The following ADAM10 variants were observed in gnomAD, a reference collection of about 807,000 sequenced individuals.
ADAM10 encodes the protein disintegrin and metalloproteinase domain-containing protein 10.
Under a neutral mutation model 90.1 loss-of-function variants are expected in ADAM10, and 17 were observed. The ratio of observed to expected loss-of-function variants is 0.19; its 90% CI spans 0.13 to 0.28. ADAM10 has a LOEUF of 0.28. Among genes scored for constraint, ADAM10 ranks in the 10% least tolerant of loss-of-function variants. The pLI is 1.00. For missense variants in ADAM10, 610 were observed against 914.3 expected (o/e 0.67, Z 4.29); for synonymous variants, 310 against 298.6 (o/e 1.04, Z -0.40).
intron 11 of ADAM10, among the ~76,000 whole-genome samples, chr15:58,619,090 T>A (rs766123592): frequency 6.6e-6 from 1 of 152,078 alleles, no homozygotes; most frequent in African/African-American, 2.4e-5. Flanking sequence ...AGATACAGAA[T>A]TAGTCTAAGT....
At chr15:58,624,709 T>G (rs1895886937) in intron 10 of ADAM10, among the ~76,000 whole-genome samples, 1 of 152,142 alleles carries the variant, frequency 6.6e-6, no homozygotes, top group Non-Finnish European at 1.5e-5. Context: ...ATTTTTTAAT[T>G]TTTTGTAGAG....
chr15:58,726,522 G>A (rs1412649563), intron 1 of ADAM10, among the ~76,000 whole-genome samples: 5 of 112,348 alleles, frequency 4.5e-5, no homozygotes, highest in African/African-American at 1.1e-4. Context: ...CCGAGATCGC[G>A]CCACTACACT....
At chr15:58,681,249 A>T (rs543670257) in intron 3 of ADAM10, among the ~76,000 whole-genome samples, 2 of 152,188 alleles carry the variant, frequency 1.3e-5, no homozygotes, top group South Asian at 4.1e-4. Flanking sequence ...ATATAACACT[A>T]AAGTCTGACA....
chr15:58,732,658 G>A (rs1436443847), intron 1 of ADAM10: 2 of 149,302 alleles, frequency 1.3e-5, no homozygotes, highest in African/African-American at 2.5e-5. Context: ...GCAGTGAGCC[G>A]AGATCTTGCT....
At chr15:58,664,133 T>A (rs1257467518) in intron 5 of ADAM10, among the ~76,000 whole-genome samples, 1 of 152,068 alleles carries the variant, frequency 6.6e-6, no homozygotes, top group Non-Finnish European at 1.5e-5. Flanking sequence ...CTTGGAATAG[T>A]CTTTCCATAT....
At chr15:58,727,795 CA>C (rs1221985714) in intron 1 of ADAM10, among the ~76,000 whole-genome samples, 1 of 151,102 alleles carries the variant, frequency 6.6e-6, no homozygotes, top group Non-Finnish European at 1.5e-5. Context: ...CAAAACAAAA[CA>C]AAAAAAATTA....
intron 9 of ADAM10, among the ~76,000 whole-genome samples, chr15:58,631,695 G>GT (rs1310970656): frequency 6.6e-6 from 1 of 152,174 alleles, no homozygotes; most frequent in Non-Finnish European, 1.5e-5. Flanking sequence ...AATTCCCCTG[G>GT]TAAGGCCTGG....
intron 2 of ADAM10, chr15:58,692,256 T>C (rs748191200): frequency 6.6e-6 from 4 of 601,954 alleles, no homozygotes; most frequent in Middle Eastern, 2.8e-4. Flanking sequence ...ATTGCTTGAC[T>C]GCCAAGTGGT....
intron 2 of ADAM10, among the ~76,000 whole-genome samples, chr15:58,688,786 A>ATCTCTCTC (rs1176204968): frequency 1.4e-4 from 17 of 122,354 alleles, no homozygotes; most frequent in African/African-American, 5.4e-4. Flanking sequence ...ATATATATAT[A>ATCTCTCTC]TCTCTCTCTC....
At chr15:58,599,529 T>C in intron 15 of ADAM10, 69 bp downstream of exon 15, 1 of 1,540,742 alleles carries the variant, frequency 6.5e-7, no homozygotes, top group Non-Finnish European at 9.0e-7. Context: ...CAGACTCATT[T>C]ATAATTCAAT....
At chr15:58,648,009 T>G (rs1390364627) in intron 5 of ADAM10, among the ~76,000 whole-genome samples, 1 of 152,222 alleles carries the variant, frequency 6.6e-6, no homozygotes. Flanking sequence ...TGACATTTCC[T>G]TCTCCCTTAA....
intron 1 of ADAM10, among the ~76,000 whole-genome samples, chr15:58,742,598 C>A (rs1466860202): frequency 5.9e-5 from 9 of 152,350 alleles, no homozygotes; most frequent in Middle Eastern, 3.4e-3. Context: ...CTGGGTCAGG[C>A]TATCCTAATA....
At chr15:58,701,035 A>C (rs1157146749) in intron 2 of ADAM10, among the ~76,000 whole-genome samples, 10 of 150,640 alleles carry the variant, frequency 6.6e-5, no homozygotes, top group East Asian at 1.9e-4. Context: ...AAAAAAAAAA[A>C]CAGGGCAGAA....
intron 2 of ADAM10, among the ~76,000 whole-genome samples, chr15:58,685,723 T>C (rs1182573618): frequency 6.6e-6 from 1 of 151,620 alleles, no homozygotes; most frequent in Non-Finnish European, 1.5e-5. Context: ...AGTGGGTGAC[T>C]GGGAAATAAG....
chr15:58,610,935 A>T, intron 13 of ADAM10, 64 bp downstream of exon 13: 1 of 1,285,356 alleles, frequency 7.8e-7, no homozygotes, highest in Non-Finnish European at 1.1e-6. Flanking sequence ...TTTTACACTT[A>T]AAATTTAGGA....
intron 2 of ADAM10, among the ~76,000 whole-genome samples, chr15:58,685,543 A>G (rs1897567867): frequency 9.8e-6 from 1 of 101,828 alleles, no homozygotes; most frequent in East Asian, 2.4e-4. Flanking sequence ...AATATGAAGG[A>G]GAATATATAT....
rs757244155 is a variant in ADAM10, at chr15:58,665,168, C to G, written c.514G>C (p.Gly172Arg). 3.1e-6 allele frequency: 5 copies of G among 1,613,088 alleles called. No homozygotes were observed. Among genetic ancestry groups the G allele is most frequent in the Admixed American group, 3.3e-5 (2 of 59,982 alleles). Residue 172 changes from glycine (G) to arginine (R), a missense_variant, in exon 5 of 16, where the codon GGC (glycine) becomes CGC (arginine). By Grantham distance (125) the Gly-to-Arg change is moderately radical (BLOSUM62 -2). Around this residue, in one of 4 missense-constraint regions of ADAM10, gnomAD observed 310 missense variants for 362.4 expected, o/e 0.86. Coordinates refer to ENST00000260408, the MANE Select transcript of ADAM10 (RefSeq NM_001110.4). ...TCAAATACTGAATGATCTGCACAGC[C>G]CCCCTGAGGACCGTATTTATGGGGA... ...NYPHKYGPQG[G>R]CADHSVFERM...
At chr15:58,603,876 TAAAAAAA>T (rs34718794) in intron 14 of ADAM10, among the ~76,000 whole-genome samples, 1 of 72,066 alleles carries the variant, frequency 1.4e-5, no homozygotes, top group Admixed American at 1.5e-4. Context: ...GGTCCAGGGT[TAAAAAAA>T]AAAAAAAAAA....
At chr15:58,634,068 T>C (rs573969698) in intron 8 of ADAM10, among the ~76,000 whole-genome samples, 101 of 152,258 alleles carry the variant, frequency 6.6e-4, no homozygotes, top group Admixed American at 1.2e-3. Flanking sequence ...CCCAGCACTT[T>C]GGGAGGCCGA....
Sources: gnomAD v4.1 joint callset for allele counts (sites outside exome capture counted in the v4.1 genomes callset) on GRCh38, gnomAD v4.1.1 for gene constraint, gnomAD v4.1.1 regional missense constraint, MANE v1.5 for transcripts, NCBI Gene and HGNC (gene_info 2026-07-23, HGNC 2026-07-21) for gene names.